GDA: variants seen among roughly 807,000 people sequenced by gnomAD.
GDA encodes the protein guanine deaminase, also known as cytoplasmic PSD-95 interactor.
Under a neutral mutation model 59.6 loss-of-function variants are expected in GDA, and 18 were observed. The observed-to-expected ratio is 0.30, with a 90% confidence interval of 0.21 to 0.45. GDA has a LOEUF of 0.45. Among genes scored for constraint, GDA ranks in the 20% least tolerant of loss-of-function variants. The pLI is 1.00. For missense variants in GDA, 427 were observed against 552.3 expected (o/e 0.77, Z 2.27); for synonymous variants, 201 against 201.1 (o/e 1.00, Z 0.00).
At chr9:72,160,295 C>G (rs530906031) in intron 1 of GDA, among the ~76,000 whole-genome samples, 3 of 151,988 alleles carry the variant, frequency 2.0e-5, no homozygotes, top group Admixed American at 2.0e-4. Context: ...GGCAACAGAA[C>G]GAGACTCTGT....
intron 1 of GDA, among the ~76,000 whole-genome samples, chr9:72,125,462 T>C (rs531577253): frequency 3.9e-4 from 60 of 152,030 alleles, no homozygotes; most frequent in African/African-American, 1.4e-3. Flanking sequence ...GCTCAAGTGA[T>C]CCTCCCGCCT....
chr9:72,170,275 A>G (rs1267978367), intron 1 of GDA, among the ~76,000 whole-genome samples: 1 of 152,228 alleles, frequency 6.6e-6, no homozygotes, highest in African/African-American at 2.4e-5. Context: ...TTTTAAAGAT[A>G]GAATCCTGCT....
At chr9:72,236,460 A>G (rs1250520165) in intron 10 of GDA, among the ~76,000 whole-genome samples, 2 of 152,210 alleles carry the variant, frequency 1.3e-5, no homozygotes, top group Non-Finnish European at 2.9e-5. Flanking sequence ...TGAGAAATAG[A>G]AACGACCAGA....
At chr9:72,229,654 CA>C (rs1427699039) in intron 9 of GDA, among the ~76,000 whole-genome samples, 2 of 152,144 alleles carry the variant, frequency 1.3e-5, no homozygotes, top group African/African-American at 4.8e-5. Flanking sequence ...TGGCCGTCCC[CA>C]AACAAGGGCA....
intron 11 of GDA, among the ~76,000 whole-genome samples, chr9:72,241,534 T>G (rs1165853371): frequency 6.6e-6 from 1 of 152,218 alleles, no homozygotes; most frequent in Admixed American, 6.5e-5. Flanking sequence ...GTTATCATAT[T>G]AATTGTTTTA....
chr9:72,196,403 T>C (rs1371875544), intron 2 of GDA, among the ~76,000 whole-genome samples: 1 of 151,612 alleles, frequency 6.6e-6, no homozygotes, highest in Non-Finnish European at 1.5e-5. Flanking sequence ...GGAGAATCTC[T>C]TGAAGCCCGG....
chr9:72,183,520 G>C (rs1022589679), intron 1 of GDA, among the ~76,000 whole-genome samples: 3 of 152,204 alleles, frequency 2.0e-5, no homozygotes, highest in Admixed American at 2.0e-4. Flanking sequence ...AAAGGAAAAG[G>C]CTGTTTGGTT....
intron 1 of GDA, among the ~76,000 whole-genome samples, chr9:72,192,362 G>A (rs1192022402): frequency 1.3e-5 from 2 of 148,422 alleles, no homozygotes; most frequent in African/African-American, 2.5e-5. Flanking sequence ...CTCCTGAGTA[G>A]CTGGGATTAC....
At chr9:72,245,758 A>G (rs1040641020) in intron 12 of GDA, among the ~76,000 whole-genome samples, 1 of 152,214 alleles carries the variant, frequency 6.6e-6, no homozygotes, top group Non-Finnish European at 1.5e-5. Flanking sequence ...GGACTTTCTG[A>G]CTACGAGAGG....
intron 10 of GDA, among the ~76,000 whole-genome samples, chr9:72,233,530 C>T (rs1277453429): frequency 6.6e-6 from 1 of 152,186 alleles, no homozygotes; most frequent in Non-Finnish European, 1.5e-5. Flanking sequence ...GATGGTACAA[C>T]TACTTTGGAG....
chr9:72,128,003 C>T (rs1825902663), intron 1 of GDA, among the ~76,000 whole-genome samples: 1 of 152,142 alleles, frequency 6.6e-6, no homozygotes, highest in Non-Finnish European at 1.5e-5. Flanking sequence ...TGAAGTCTAC[C>T]TTAATCACCT....
At chr9:72,237,104 C>G (rs1244436113) in intron 10 of GDA, among the ~76,000 whole-genome samples, 1 of 152,038 alleles carries the variant, frequency 6.6e-6, no homozygotes, top group Non-Finnish European at 1.5e-5. Flanking sequence ...AATCAGACAT[C>G]CCCCTCATGC....
chr9:72,246,851 G>A (rs1241450472), intron 12 of GDA, among the ~76,000 whole-genome samples: 1 of 151,966 alleles, frequency 6.6e-6, no homozygotes, highest in Non-Finnish European at 1.5e-5. Context: ...TAAGAATAGG[G>A]CTCTAGGGAA....
chr9:72,139,477 T>A (rs1448817171), intron 1 of GDA, among the ~76,000 whole-genome samples: 2 of 152,174 alleles, frequency 1.3e-5, no homozygotes, highest in South Asian at 2.1e-4. Flanking sequence ...ATCCATGTAG[T>A]CTGTAGTCTG....
At chr9:72,241,104 A>G (rs1231075962) in intron 10 of GDA, 48 bp from the exon 11 acceptor site, 5 of 1,434,332 alleles carry the variant, frequency 3.5e-6, no homozygotes, top group African/African-American at 2.8e-5. Context: ...GTATTATTCC[A>G]TTTATCCTCA....
intron 1 of GDA, among the ~76,000 whole-genome samples, chr9:72,123,475 G>A (rs558079468): frequency 7.7e-6 from 1 of 130,688 alleles, no homozygotes; most frequent in South Asian, 2.4e-4. Flanking sequence ...AAGCCACCAT[G>A]CCCGGCCTTT....
At chr9:72,139,932 T>C (rs1826381704) in intron 1 of GDA, among the ~76,000 whole-genome samples, 1 of 152,216 alleles carries the variant, frequency 6.6e-6, no homozygotes, top group Non-Finnish European at 1.5e-5. Flanking sequence ...TAGGTAACTT[T>C]TAATCAAAAG....
intron 5 of GDA, among the ~76,000 whole-genome samples, chr9:72,214,529 C>T (rs930522637): frequency 1.3e-5 from 2 of 151,714 alleles, no homozygotes; most frequent in Non-Finnish European, 2.9e-5. Context: ...CTCCTGACCT[C>T]GTGATCTGCC....
At chr9:72,121,728 T>C (rs549465505) in intron 1 of GDA, among the ~76,000 whole-genome samples, 2 of 152,340 alleles carry the variant, frequency 1.3e-5, no homozygotes, top group African/African-American at 4.8e-5. Context: ...AAGACTTGTA[T>C]ACACTTGCTA....
Sources: allele counts gnomAD v4.1 joint callset (sites outside exome capture counted in the v4.1 genomes callset), GRCh38; gene constraint gnomAD v4.1.1; transcripts MANE v1.5; gene names NCBI Gene and HGNC (gene_info 2026-07-23, HGNC 2026-07-21).